C1orf54: variants seen among roughly 807,000 people sequenced by gnomAD.
C1orf54 encodes the protein chromosome 1 open reading frame 54.
C1orf54 carries 12 observed loss-of-function variants against 14.7 expected under a neutral mutation model. That is an observed-to-expected ratio of 0.82 (90% CI 0.52 to 1.32). The LOEUF (loss-of-function observed/expected upper bound fraction) is 1.32. Ranked by LOEUF, C1orf54 falls within the 40% of genes most tolerant of loss-of-function variation. The pLI is 0.00. For synonymous variants in C1orf54, 65 were observed against 56.3 expected (o/e 1.16, Z -0.70); for missense variants, 163 against 162.2 (o/e 1.00, Z -0.03).
At chr1:150,270,302 T>C (rs1383417790), upstream of C1orf54, among the ~76,000 whole-genome samples, 2 of 152,242 alleles carry the variant, frequency 1.3e-5, no homozygotes, top group Admixed American at 6.5e-5. Flanking sequence ...ATGTTTTACA[T>C]GTCTTCCAGG....
upstream of C1orf54, among the ~76,000 whole-genome samples, chr1:150,269,772 T>G (rs1652067700): frequency 6.6e-6 from 1 of 152,130 alleles, no homozygotes; most frequent in Non-Finnish European, 1.5e-5. Context: ...GAATGAAAGT[T>G]AAAGTAGGCT....
chr1:150,276,444 A>G, intron 3 of C1orf54, 78 bp from the exon 4 acceptor site: 1 of 1,198,902 alleles, frequency 8.3e-7, no homozygotes, highest in South Asian at 1.2e-5. Flanking sequence ...GAAGGGGAGA[A>G]CTTTAAGTAG....
chr1:150,276,336 G>A (rs1427001603), intron 3 of C1orf54, among the ~76,000 whole-genome samples, 186 bp from the exon 4 acceptor site: 1 of 152,162 alleles, frequency 6.6e-6, no homozygotes, highest in African/African-American at 2.4e-5. Flanking sequence ...CTGAGGAGGG[G>A]CATCAAGGGA....
intron 1 of C1orf54, among the ~76,000 whole-genome samples, chr1:150,273,125 C>T (rs1248398380): frequency 6.6e-6 from 1 of 152,118 alleles, no homozygotes; most frequent in Non-Finnish European, 1.5e-5. Context: ...GCTCAGTTCT[C>T]CATCACCACG....
chr1:150,271,719 T>C (rs1406835065), upstream of C1orf54, among the ~76,000 whole-genome samples: 1 of 152,204 alleles, frequency 6.6e-6, no homozygotes, highest in Non-Finnish European at 1.5e-5. Flanking sequence ...ACTCTACACC[T>C]GTAGGACGGA....
chr1:150,276,493 C>CT lies in C1orf54; in HGVS notation c.190-28dup, dbSNP rs782050212. On this transcript the variant is annotated intron_variant, in intron 3 of 5. Transcript: ENST00000369099. ...ATGTTGGATGGAAAAACTGATAACTCTGTGTTTCCCAAATCCTACTGAGGG... is the reference window on the plus strand; with the variant it reads ...ATGTTGGATGGAAAAACTGATAACTCTTGTGTTTCCCAAATCCTACTGAGGG... The CT allele has an allele frequency of 3.2e-6, 5 of 1,563,144 alleles. No individual in the cohort carries two copies. In the South Asian group the frequency reaches 3.3e-5, roughly 10 times the overall value.
intron 1 of C1orf54, 144 bp from the exon 2 acceptor site, chr1:150,273,943 G>T (rs1446952461): frequency 6.2e-6 from 4 of 640,210 alleles, no homozygotes; most frequent in Admixed American, 4.8e-5. Context: ...AGGCAAGAAA[G>T]GAGTATGACT....
At chr1:150,269,488 C>T (rs1421916327), upstream of C1orf54, 1 of 152,310 alleles carries the variant, frequency 6.6e-6, no homozygotes, top group Non-Finnish European at 1.5e-5. Context: ...GTATAATAAA[C>T]ATGGAATACA....
chr1:150,271,389 G>A (rs1652197221), upstream of C1orf54, among the ~76,000 whole-genome samples: 1 of 152,200 alleles, frequency 6.6e-6, no homozygotes, highest in Admixed American at 6.5e-5. Flanking sequence ...TTACAGGCGT[G>A]AGCCACTGTG....
At chr1:150,270,704 A>T (rs1652137102), upstream of C1orf54, among the ~76,000 whole-genome samples, 2 of 151,684 alleles carry the variant, frequency 1.3e-5, no homozygotes, top group African/African-American at 4.8e-5. Flanking sequence ...CCCTAATGAG[A>T]CTAAGAGGGT....
Position 150,280,449 on chromosome 1 carries a change from G to A in C1orf54, c.*4-386G>A, listed in dbSNP as rs150511633. 3.8e-3 allele frequency among the ~76,000 whole-genome samples: 586 copies of A among 152,324 alleles called. 5 individuals are homozygous for A. The highest frequency in any genetic ancestry group is 0.013 in the African/African-American group (554 of 41,572). On this transcript the variant is annotated intron_variant, in intron 5 of 5. Transcript: ENST00000369099. ...GAACAATCAAAGCTAGTTCCAGCCT[G>A]GCCACGTTTCAAGTCATGGCGAATG...
chr1:150,268,874 A>T, upstream of C1orf54: 4 of 1,453,296 alleles, frequency 2.8e-6, no homozygotes, highest in Admixed American at 4.0e-5. Context: ...GGGGCGCGCC[A>T]GCTGGGGAGT....
At chr1:150,279,547 T>C in intron 4 of C1orf54, 96 bp from the exon 5 acceptor site, 1 of 1,074,022 alleles carries the variant, frequency 9.3e-7, no homozygotes, top group Non-Finnish European at 1.4e-6. Context: ...AGACAGAGGT[T>C]GTTGTAAAGA....
At chr1:150,274,933 G>A (rs1652521116) in intron 2 of C1orf54, among the ~76,000 whole-genome samples, 1 of 149,184 alleles carries the variant, frequency 6.7e-6, no homozygotes, top group Admixed American at 6.7e-5. Flanking sequence ...AAAGACTCAT[G>A]ATGATGTTAT....
intron 4 of C1orf54, among the ~76,000 whole-genome samples, chr1:150,278,140 A>G (rs181136800): frequency 4.6e-5 from 7 of 152,288 alleles, no homozygotes; most frequent in Admixed American, 3.9e-4. Context: ...TGTATGCAGG[A>G]TGTAAATAAT....
At chr1:150,268,939 G>C, upstream of C1orf54, 1 of 731,442 alleles carries the variant, frequency 1.4e-6, no homozygotes, top group East Asian at 2.8e-5. Context: ...GTCACCCCCA[G>C]ACCCCGGGGA....
Position 150,280,824 on chromosome 1 carries a change from T to C in C1orf54, c.*4-11T>C, listed in dbSNP as rs1015961833. 1.4e-5 allele frequency: 22 copies of C among 1,549,594 alleles called. No individual in the cohort carries two copies. Among genetic ancestry groups the C allele is most frequent in the Non-Finnish European group, 1.8e-5 (21 of 1,146,568 alleles). On this transcript the variant is annotated splice_polypyrimidine_tract_variant and intron_variant, in intron 5 of 5. Coordinates refer to ENST00000369099, the MANE Select transcript of C1orf54 (RefSeq NM_024579.4). ...ACTCCTTTTATTTTCTTTCTTTCTCTGCTTTTTTAGGTGGAAGAAGGCTGC... is the reference window on the plus strand; with the variant it reads ...ACTCCTTTTATTTTCTTTCTTTCTCCGCTTTTTTAGGTGGAAGAAGGCTGC...
Position 150,273,154 on chromosome 1 carries a change from A to G in C1orf54, c.46+291A>G, listed in dbSNP as rs371785510. Among the ~76,000 whole-genome samples the G allele has an allele frequency of 1.2e-4, 18 of 152,330 alleles. 1 individual carries two copies. The South Asian group carries it at 3.7e-3, about 32-fold the overall frequency. On this transcript the variant is annotated intron_variant, in intron 1 of 5. Coordinates refer to ENST00000369099, the MANE Select transcript of C1orf54 (RefSeq NM_024579.4). ...CACCACGGAAGTTGAACAAGATGACAGGGGCTAAAGTAAGGGTGAAGGAGG... is the reference window on the plus strand; with the variant it reads ...CACCACGGAAGTTGAACAAGATGACGGGGGCTAAAGTAAGGGTGAAGGAGG...
intron 4 of C1orf54, among the ~76,000 whole-genome samples, chr1:150,279,280 T>C (rs587764892): frequency 6.6e-6 from 1 of 152,172 alleles, no homozygotes; most frequent in East Asian, 1.9e-4. Flanking sequence ...AACAAACAAA[T>C]AAATAAAATA....
Sources: allele counts gnomAD v4.1 joint callset (sites outside exome capture counted in the v4.1 genomes callset), GRCh38; gene constraint gnomAD v4.1.1; transcripts MANE v1.5; gene names NCBI Gene and HGNC (gene_info 2026-07-23, HGNC 2026-07-21).